Variants in SLC15A5 observed in about 807,000 individuals in gnomAD.
SLC15A5 encodes Peptide/histidine transporter ENSP00000340402.
In SLC15A5, 58 loss-of-function variants were observed where a neutral mutation model predicts 56.1. The ratio of observed to expected loss-of-function variants is 1.03; its 90% CI spans 0.84 to 1.29. The LOEUF (loss-of-function observed/expected upper bound fraction) is 1.29, where lower values mean the gene tolerates loss of function less well. SLC15A5 is among the 50% of genes most tolerant of loss of function. The pLI is 0.00. For missense variants in SLC15A5, 681 were observed against 672.1 expected (o/e 1.01, Z -0.15); for synonymous variants, 264 against 250.5 (o/e 1.05, Z -0.51).
chr12:16,259,903 G>GGT lies in SLC15A5; in HGVS notation c.585-2034_585-2033insAC, dbSNP rs1555173558. Among the ~76,000 whole-genome samples the GGT allele has an allele frequency of 2.0e-5, 3 of 149,162 alleles. No homozygotes were observed. The South Asian group carries it at 6.3e-4, about 31-fold the overall frequency. On this transcript the variant is annotated intron_variant, in intron 2 of 8. Coordinates refer to ENST00000344941, the MANE Select transcript of SLC15A5 (RefSeq NM_001170798.1). ...GTACCCAGCTGACACCACCCGGGCG[G>GGT]GGGGTAAGTTAGAGCACTTCCAGTT...
intron 2 of SLC15A5, among the ~76,000 whole-genome samples, chr12:16,264,179 G>A (rs1864670514): frequency 6.6e-6 from 1 of 152,208 alleles, no homozygotes; most frequent in Admixed American, 6.5e-5. Flanking sequence ...AAAGCCACAG[G>A]GGCAGAGTTG....
At chr12:16,260,578 C>G (rs1401942810) in intron 2 of SLC15A5, among the ~76,000 whole-genome samples, 1 of 151,304 alleles carries the variant, frequency 6.6e-6, no homozygotes, top group African/African-American at 2.4e-5. Context: ...GATACATGTT[C>G]TACAAATGTT....
chr12:16,253,230 C>A (rs1591656459), intron 3 of SLC15A5, among the ~76,000 whole-genome samples: 1 of 151,982 alleles, frequency 6.6e-6, no homozygotes, highest in Non-Finnish European at 1.5e-5. Context: ...GCAATGATTT[C>A]TTGGACATGA....
At chr12:16,267,123 TC>T (rs1352630175) in intron 2 of SLC15A5, among the ~76,000 whole-genome samples, 1 of 152,230 alleles carries the variant, frequency 6.6e-6, no homozygotes, top group Non-Finnish European at 1.5e-5. Context: ...AAATGGTCTT[TC>T]CTAATCTGAG....
chr12:16,277,045 G>A (rs1864827469), intron 1 of SLC15A5, among the ~76,000 whole-genome samples: 2 of 151,764 alleles, frequency 1.3e-5, no homozygotes, highest in South Asian at 2.1e-4. Flanking sequence ...GGGAAAGGAG[G>A]GCATTCTAAG....
At chr12:16,204,940 C>T (rs1302360824) in intron 7 of SLC15A5, among the ~76,000 whole-genome samples, 2 of 151,886 alleles carry the variant, frequency 1.3e-5, no homozygotes, top group East Asian at 3.9e-4. Flanking sequence ...AAAAGGTGGA[C>T]AGATTTGATT....
rs560161026 is a variant in SLC15A5, at chr12:16,207,099, T to C, written c.1483+9794A>G. Among the ~76,000 whole-genome samples, 5 of 152,318 alleles carry C rather than the reference T, an allele frequency of 3.3e-5. No individual in the cohort carries two copies. The South Asian group carries it at 6.2e-4, about 19-fold the overall frequency. ...ATTAGTCAAATGAATATATCTGATA[T>C]TAATTTGAGTGTCAAATATTTCTAT... On this transcript the variant is annotated intron_variant, in intron 7 of 8. Coordinates refer to ENST00000344941, the MANE Select transcript of SLC15A5 (RefSeq NM_001170798.1).
rs146266487 is a variant in SLC15A5 at position 16,239,819 on chromosome 12, C to T, written c.1024G>A (p.Asp342Asn). ...LQTMNSNLNLDGFLLPIAVMN... is the reference protein window; with the variant it reads ...LQTMNSNLNLNGFLLPIAVMN... ...ACTGCAATCGGCAGAAGAAATCCAT[C>T]CAAATTCAGGTTGGAATTCATAGTT... Residue 342 changes from aspartate (D) to asparagine (N), a missense_variant, in exon 5 of 9, where the codon GAT becomes AAT. By Grantham distance (23) the Asp-to-Asn change is conservative (BLOSUM62 1). Transcript: ENST00000344941. 894 of 1,537,134 alleles carry T rather than the reference C, an allele frequency of 5.8e-4. 14 individuals carry two copies. The East Asian group carries it at 0.019, about 32-fold the overall frequency.
At chr12:16,270,542 C>T (rs528583277) in intron 2 of SLC15A5, among the ~76,000 whole-genome samples, 11 of 152,208 alleles carry the variant, frequency 7.2e-5, no homozygotes, top group Admixed American at 3.9e-4. Flanking sequence ...ATGGCTTATC[C>T]ATGATTTAGC....
intron 7 of SLC15A5, among the ~76,000 whole-genome samples, chr12:16,210,662 C>T (rs1233285974): frequency 3.9e-5 from 6 of 152,062 alleles, no homozygotes; most frequent in Non-Finnish European, 8.8e-5. Context: ...TAAACTGGGA[C>T]TCAGTATGGT....
At chr12:16,253,971 A>G (rs1864544176) in intron 3 of SLC15A5, among the ~76,000 whole-genome samples, 1 of 152,142 alleles carries the variant, frequency 6.6e-6, no homozygotes, top group South Asian at 2.1e-4. Context: ...ATTCTGAGGA[A>G]ATATTTACAT....
chr12:16,196,900 C>T lies in SLC15A5; in HGVS notation c.1484-2447G>A, dbSNP rs1485047705. Among the ~76,000 whole-genome samples, 2 of 151,730 alleles carry T rather than the reference C, an allele frequency of 1.3e-5. No individual in the cohort carries two copies. Among genetic ancestry groups the T allele is most frequent in the Non-Finnish European group, 2.9e-5 (2 of 67,948 alleles). On this transcript the variant is annotated intron_variant, in intron 7 of 8. Transcript: ENST00000344941. The surrounding 1 kb of genome is among the most constrained non-coding windows in gnomAD (Gnocchi z 4.0). ...CCTTTTGGGAGATACTACTAGATCC[C>T]CCTGGGCACACCAGAGCACTCTCAT...
chr12:16,248,205 A>C (rs912287996), intron 3 of SLC15A5, among the ~76,000 whole-genome samples: 1 of 152,126 alleles, frequency 6.6e-6, no homozygotes, highest in Non-Finnish European at 1.5e-5. Flanking sequence ...TTATTAGATG[A>C]TAACCAAGTC....
chr12:16,272,081 C>G (rs1365184055), intron 2 of SLC15A5, among the ~76,000 whole-genome samples: 1 of 152,154 alleles, frequency 6.6e-6, no homozygotes. Flanking sequence ...ATACTAACAG[C>G]TACCATTTTT....
chr12:16,193,844 A>AGAGAGG (rs1863867436), intron 8 of SLC15A5, among the ~76,000 whole-genome samples: 1 of 120,310 alleles, frequency 8.3e-6, no homozygotes, highest in African/African-American at 3.4e-5. Context: ...AGAGAGAGAG[A>AGAGAGG]GGCTGGCAAT....
At chr12:16,213,481 A>G (rs1160216705) in intron 7 of SLC15A5, among the ~76,000 whole-genome samples, 2 of 152,172 alleles carry the variant, frequency 1.3e-5, no homozygotes, top group African/African-American at 4.8e-5. Flanking sequence ...GGAGAACTGG[A>G]CTTACTCTGT....
chr12:16,256,882 ATAAAT>A (rs1437221395), intron 3 of SLC15A5, among the ~76,000 whole-genome samples: 4 of 146,282 alleles, frequency 2.7e-5, no homozygotes, highest in East Asian at 4.0e-4. Flanking sequence ...AATAATAATA[ATAAAT>A]TAAATAGAGA....
Position 16,271,019 on chromosome 12 carries a change from G to C in SLC15A5, c.584+1542C>G, listed in dbSNP as rs1295459790. On this transcript the variant is annotated intron_variant, in intron 2 of 8. Coordinates refer to ENST00000344941, the MANE Select transcript of SLC15A5 (RefSeq NM_001170798.1). This position sits in a 1 kb window ranked among gnomAD's most constrained non-coding sequence, Gnocchi z 8.0. ...ATGCTTTAAATTTTTAAAATAGTGA[G>C]CTGTTTAGTGAAATCAGAAAATAAT... 1.3e-5 allele frequency among the ~76,000 whole-genome samples: 2 copies of C among 152,096 alleles called. No homozygotes were observed. Among genetic ancestry groups the C allele is most frequent in the Middle Eastern group, 3.2e-3 (1 of 316 alleles).
chr12:16,236,417 A>G (rs1483493069), intron 5 of SLC15A5, among the ~76,000 whole-genome samples: 2 of 152,188 alleles, frequency 1.3e-5, no homozygotes, highest in Non-Finnish European at 2.9e-5. Flanking sequence ...TTTGCCTTTC[A>G]CAGTCTTGGA....
Sources: gnomAD v4.1 joint callset for allele counts (sites outside exome capture counted in the v4.1 genomes callset) on GRCh38, gnomAD v4.1.1 for gene constraint, Gnocchi (gnomAD v3.1) non-coding constraint, MANE v1.5 for transcripts, NCBI Gene and HGNC (gene_info 2026-07-23, HGNC 2026-07-21) for gene names.